Variants in CMSS1 observed in about 807,000 individuals in gnomAD.
The protein encoded by CMSS1 is protein CMSS1.
In CMSS1, 33 loss-of-function variants were observed where a neutral mutation model predicts 43.5. The ratio of observed to expected loss-of-function variants is 0.76; its 90% confidence interval spans 0.57 to 1.01. The LOEUF is 1.01. CMSS1 is among the 50% of genes least tolerant of loss of function. The pLI is 0.00. For missense variants in CMSS1, 313 were observed against 326.4 expected (o/e 0.96, Z 0.32); for synonymous variants, 115 against 117.2 (o/e 0.98, Z 0.12).
chr3:99,921,813 A>G (rs1310711947), intron 1 of CMSS1, among the ~76,000 whole-genome samples: 1 of 152,220 alleles, frequency 6.6e-6, no homozygotes, highest in Non-Finnish European at 1.5e-5. Context: ...ATTTAGTAGT[A>G]TACACTTTAC....
intron 1 of CMSS1, among the ~76,000 whole-genome samples, chr3:99,975,728 C>G (rs1439879799): frequency 6.6e-6 from 1 of 152,174 alleles, no homozygotes; most frequent in Non-Finnish European, 1.5e-5. Context: ...CAGCAAAGTC[C>G]TGAGTATATA....
chr3:100,174,519 G>A (rs1474496939), intron 8 of CMSS1, among the ~76,000 whole-genome samples: 6 of 151,972 alleles, frequency 3.9e-5, no homozygotes, highest in African/African-American at 1.2e-4. Context: ...TCATTTAAAG[G>A]GCGATTTTTA....
chr3:100,096,580 G>A (rs914230527), intron 1 of CMSS1, among the ~76,000 whole-genome samples: 1 of 151,996 alleles, frequency 6.6e-6, no homozygotes, highest in African/African-American at 2.4e-5. Context: ...AACACATGTT[G>A]ATGGAGAGTA....
intron 1 of CMSS1, chr3:99,898,256 T>A (rs1311051638): frequency 1.3e-5 from 2 of 152,202 alleles, no homozygotes; most frequent in Non-Finnish European, 2.9e-5. Context: ...TTTTTAGAGC[T>A]GTATTGTAGG....
chr3:99,875,226 C>T (rs1400097265), intron 1 of CMSS1, among the ~76,000 whole-genome samples: 1 of 151,958 alleles, frequency 6.6e-6, no homozygotes, highest in Non-Finnish European at 1.5e-5. Flanking sequence ...ATTTTTCTGC[C>T]AAGTGTTCAG....
intron 1 of CMSS1, chr3:100,115,086 G>A (rs1490204229): frequency 6.6e-6 from 6 of 913,278 alleles, no homozygotes; most frequent in Non-Finnish European, 1.0e-5. Flanking sequence ...AAAATTTGAA[G>A]CATCTAATTT....
intron 3 of CMSS1, 35 bp from the exon 4 acceptor site, chr3:100,162,268 A>C (rs1442969368): frequency 6.3e-7 from 1 of 1,594,424 alleles, no homozygotes; most frequent in Non-Finnish European, 8.6e-7. Context: ...ATTTTAAAAT[A>C]TGTCGTCCCA....
chr3:100,174,130 T>C (rs2067130709), intron 8 of CMSS1, among the ~76,000 whole-genome samples: 1 of 152,200 alleles, frequency 6.6e-6, no homozygotes, highest in Non-Finnish European at 1.5e-5. Flanking sequence ...AACAGTAAGC[T>C]GAGGAGTTTG....
chr3:99,890,888 T>A (rs1326756476), intron 1 of CMSS1, among the ~76,000 whole-genome samples: 1 of 152,190 alleles, frequency 6.6e-6, no homozygotes, highest in African/African-American at 2.4e-5. Context: ...TGAAGTCACG[T>A]ATCTCAGAAT....
intron 1 of CMSS1, among the ~76,000 whole-genome samples, chr3:100,012,837 A>G (rs1471116825): frequency 4.7e-5 from 7 of 147,404 alleles, no homozygotes; most frequent in African/African-American, 1.8e-4. Context: ...CAGTAGCATG[A>G]TCCCCAGCTC....
At position 100,139,583 on chromosome 3, in the gene CMSS1, A is replaced by G. The variant is rs1175663131; in HGVS notation, c.65-7390A>G. On this transcript the variant is annotated intron_variant, in intron 1 of 9. Transcript: ENST00000421999. The stretch of plus-strand genomic sequence containing the variant: ...TGTGTGTGTATGTATATATATGTGT[A>G]TATATATGTGTGTGTATATATGTGT... Among the ~76,000 whole-genome samples, 32 of 139,748 alleles carry G rather than the reference A, an allele frequency of 2.3e-4. No homozygotes were observed. The East Asian group carries it at 6.2e-3, about 27-fold the overall frequency. 91.7% of individuals were successfully genotyped at this position (139,748 alleles called of 152,430 possible). A position where few individuals can be genotyped will look rare whatever the true frequency, so the allele number is the denominator to read the frequency against.
At position 100,160,495 on chromosome 3, in the gene CMSS1, A is replaced by G; in HGVS notation, c.219A>G (p.Arg73=). The G allele has an allele frequency of 6.8e-7, 1 of 1,461,890 alleles. No individual in the cohort carries two copies. The highest frequency in any genetic ancestry group is 9.5e-7 in the Non-Finnish European group (1 of 1,048,732). The allele number at this position is 1,461,890 out of a possible 1,614,324, so 90.6% of individuals were successfully genotyped here. Residue 73 remains arginine, a synonymous_variant, in exon 3 of 10, where the codon AGA becomes AGG. Transcript: ENST00000421999. ...AGAATACCACCAAGACCAGGAAAAG[A>G]AGAAAGGTAATATTAATAATTTCTT... ...RKENTTKTRK[R]RKKKITDVLA...
At chr3:99,850,312 G>C in intron 1 of CMSS1, 1 of 1,613,430 alleles carries the variant, frequency 6.2e-7, no homozygotes, top group South Asian at 1.1e-5. Flanking sequence ...CAACTGCTTT[G>C]TGGTCATCCT....
At chr3:99,976,096 G>A (rs1708962388) in intron 1 of CMSS1, among the ~76,000 whole-genome samples, 1 of 151,998 alleles carries the variant, frequency 6.6e-6, no homozygotes, top group South Asian at 2.1e-4. Context: ...TGTTTTCCAG[G>A]CTGGTCTCGA....
chr3:99,833,991 T>A (rs1942793231), intron 1 of CMSS1, among the ~76,000 whole-genome samples: 1 of 152,216 alleles, frequency 6.6e-6, no homozygotes. Context: ...TGAAGAAAAA[T>A]ATATTTGAAA....
chr3:99,939,010 C>T (rs1295692795), intron 1 of CMSS1, among the ~76,000 whole-genome samples: 1 of 152,136 alleles, frequency 6.6e-6, no homozygotes, highest in Non-Finnish European at 1.5e-5. Flanking sequence ...ATCATTGAAA[C>T]ATTTTCTTAG....
At chr3:100,060,498 GA>G (rs112558785) in intron 1 of CMSS1, among the ~76,000 whole-genome samples, 32 of 148,062 alleles carry the variant, frequency 2.2e-4, no homozygotes, top group East Asian at 3.9e-4. Flanking sequence ...CTTCACCCAA[GA>G]AAAAAAAAAT....
intron 1 of CMSS1, among the ~76,000 whole-genome samples, chr3:100,117,178 AT>A (rs1435958366): frequency 2.0e-5 from 3 of 152,154 alleles, no homozygotes; most frequent in Non-Finnish European, 4.4e-5. Context: ...CTAGTGGATT[AT>A]TTTTATTATA....
intron 1 of CMSS1, chr3:99,930,745 G>A (rs1707451054): frequency 5.0e-6 from 8 of 1,608,500 alleles, no homozygotes; most frequent in South Asian, 1.1e-5. Context: ...GAAGCATGAT[G>A]GGGATAACTC....
Sources: gnomAD v4.1 joint callset for allele counts (sites outside exome capture counted in the v4.1 genomes callset) on GRCh38, gnomAD v4.1.1 for gene constraint, MANE v1.5 for transcripts, NCBI Gene and HGNC (gene_info 2026-07-23, HGNC 2026-07-21) for gene names.